PCDH9: variants seen among roughly 807,000 people sequenced by gnomAD.
The protein encoded by PCDH9 is protocadherin-9.
Under a neutral mutation model 70.6 loss-of-function variants are expected in PCDH9, and 24 were observed. The ratio of observed to expected loss-of-function variants is 0.34; its 90% CI spans 0.25 to 0.48. The LOEUF (loss-of-function observed/expected upper bound fraction) is 0.48. PCDH9 is among the 20% of genes least tolerant of loss of function. PCDH9 has a pLI of 0.99. For synonymous variants in PCDH9, 562 were observed against 558.5 expected (o/e 1.01, Z -0.09); for missense variants, 1,281 against 1,503.6 (o/e 0.85, Z 2.45).
At chr13:66,629,262 C>G (rs1196475760) in intron 4 of PCDH9, among the ~76,000 whole-genome samples, 1 of 150,918 alleles carries the variant, frequency 6.6e-6, no homozygotes, top group East Asian at 2.3e-4. Flanking sequence ...TTAAATGGGA[C>G]TCTTTCTTTT....
chr13:66,807,589 G>C (rs567083762), intron 3 of PCDH9, among the ~76,000 whole-genome samples: 1 of 152,062 alleles, frequency 6.6e-6, no homozygotes, highest in Non-Finnish European at 1.5e-5. Context: ...AGCTTTAAGT[G>C]AGATAATTTA....
intron 3 of PCDH9, among the ~76,000 whole-genome samples, chr13:66,715,884 T>C (rs1004482555): frequency 6.6e-6 from 1 of 152,214 alleles, no homozygotes; most frequent in Non-Finnish European, 1.5e-5. Flanking sequence ...TATTTCAACA[T>C]CTGCTTTCGC....
rs75638639 is a variant in PCDH9, at chr13:66,812,783, G to T, written c.3138+90721C>A. 1.2e-3 allele frequency among the ~76,000 whole-genome samples: 182 copies of T among 152,248 alleles called. 4 individuals carry two copies. The East Asian group carries it at 0.033, about 28-fold the overall frequency. ...AAAGTTTAGGAAATAATTAGGAATA[G>T]GTTTATTTAGTTCCATCATTTTTCT... On this transcript the variant is annotated intron_variant, in intron 3 of 4. Coordinates refer to ENST00000377865, the MANE Select transcript of PCDH9 (RefSeq NM_203487.3).
chr13:66,326,850 A>C (rs76116048), intron 4 of PCDH9, among the ~76,000 whole-genome samples: 4,976 of 152,290 alleles, frequency 0.033, 273 homozygotes, highest in African/African-American at 0.11. Context: ...AAAACTATTA[A>C]ACATACAAAA....
At chr13:66,516,459 T>G (rs563666475) in intron 4 of PCDH9, among the ~76,000 whole-genome samples, 215 of 152,216 alleles carry the variant, frequency 1.4e-3, no homozygotes, top group Non-Finnish European at 2.5e-3. Context: ...ATGTATTAAT[T>G]AAATCTAAAA....
At chr13:66,561,200 C>T (rs970645226) in intron 4 of PCDH9, among the ~76,000 whole-genome samples, 24 of 152,336 alleles carry the variant, frequency 1.6e-4, no homozygotes, top group South Asian at 1.0e-3. Context: ...AGGGGCTTAG[C>T]GCCTGGGCCA....
intron 4 of PCDH9, among the ~76,000 whole-genome samples, chr13:66,435,026 A>T (rs1189048354): frequency 6.6e-6 from 1 of 152,120 alleles, no homozygotes; most frequent in Non-Finnish European, 1.5e-5. Context: ...CAGACTGTGG[A>T]TATCACAAAT....
intron 4 of PCDH9, among the ~76,000 whole-genome samples, chr13:66,519,145 C>G (rs1959876626): frequency 6.6e-6 from 1 of 152,090 alleles, no homozygotes; most frequent in African/African-American, 2.4e-5. Flanking sequence ...GGCTGGTTAT[C>G]TCCACTGGCA....
chr13:67,225,780 G>C lies in PCDH9; in HGVS notation c.2661C>G (p.Ile887Met). ...PKSSLLNFVT[I>M]EESKPDDAVH... The stretch of plus-strand genomic sequence containing the variant: ...CTGCATCATCGGGTTTGGACTCTTC[G>C]ATAGTAACAAAGTTCAAAAGAGAGC... The change falls in exon 2 of 5, where the codon ATC (isoleucine) becomes ATG (methionine). Residue 887 changes from isoleucine to methionine, a missense_variant. Transcript: ENST00000377865. 1 of 1,614,054 alleles carries C rather than the reference G, an allele frequency of 6.2e-7. No homozygotes were observed. The highest frequency in any genetic ancestry group is 8.5e-7 in the Non-Finnish European group (1 of 1,179,984).
intron 2 of PCDH9, among the ~76,000 whole-genome samples, chr13:67,023,076 T>C (rs1217683546): frequency 6.6e-6 from 1 of 152,212 alleles, no homozygotes; most frequent in East Asian, 1.9e-4. Context: ...CCAACCACTT[T>C]TAACTACTTT....
chr13:67,140,958 A>AT (rs2087370218), intron 2 of PCDH9, among the ~76,000 whole-genome samples: 2 of 151,120 alleles, frequency 1.3e-5, no homozygotes, highest in East Asian at 1.9e-4. Context: ...TTTCCCCCTC[A>AT]TTTTTTTCTG....
In PCDH9 at chr13:66,638,441, G is replaced by A. The variant is rs186772260; in HGVS notation, c.3139-7030C>T. ...AAAACAATCTGCAGATCTGTTGCCA[G>A]CCATAAATTAAAATTTACTGCCAAT... On this transcript the variant is annotated intron_variant, in intron 3 of 4. Transcript: ENST00000377865. 1.6e-3 allele frequency among the ~76,000 whole-genome samples: 243 copies of A among 152,276 alleles called. 6 individuals carry two copies. In the East Asian group the frequency reaches 0.033, roughly 21 times the overall value.
chr13:67,191,762 A>G (rs1244038032), intron 2 of PCDH9, among the ~76,000 whole-genome samples: 2 of 152,056 alleles, frequency 1.3e-5, no homozygotes, highest in Non-Finnish European at 2.9e-5. Context: ...GCCCCTCCCA[A>G]GAGCATTCTC....
At chr13:66,902,121 G>C (rs953750692) in intron 3 of PCDH9, among the ~76,000 whole-genome samples, 1 of 151,434 alleles carries the variant, frequency 6.6e-6, no homozygotes, top group Non-Finnish European at 1.5e-5. Flanking sequence ...ACAGTGAAGA[G>C]GAAAAAATCA....
intron 3 of PCDH9, among the ~76,000 whole-genome samples, chr13:66,836,351 C>T (rs2081017539): frequency 6.6e-6 from 1 of 152,066 alleles, no homozygotes; most frequent in Non-Finnish European, 1.5e-5. Context: ...CTTCTTTTAT[C>T]ATATTCCTTC....
In PCDH9 at chr13:67,151,963, A is replaced by T. The variant is rs370815451; in HGVS notation, c.3036+73442T>A. Among the ~76,000 whole-genome samples, 7 of 152,044 alleles carry T rather than the reference A, an allele frequency of 4.6e-5. No individual in the cohort carries two copies. The South Asian group carries it at 1.5e-3, about 32-fold the overall frequency. On this transcript the variant is annotated intron_variant, in intron 2 of 4. Transcript: ENST00000377865. ...TTTTGTTACAAGACTATATGAATGA[A>T]CTAAAAGACTCTTAAGGATACTTTC...
At chr13:66,642,480 A>G (rs1349901345) in intron 3 of PCDH9, among the ~76,000 whole-genome samples, 1 of 152,038 alleles carries the variant, frequency 6.6e-6, no homozygotes, top group East Asian at 1.9e-4. Context: ...AATCTTATAA[A>G]GTATCTATTC....
intron 3 of PCDH9, among the ~76,000 whole-genome samples, chr13:66,774,453 A>ATT (rs148765077): frequency 5.9e-5 from 8 of 134,524 alleles, no homozygotes; most frequent in Non-Finnish European, 1.3e-4. Flanking sequence ...CATCTACTAG[A>ATT]TTTTTTTTTT....
intron 4 of PCDH9, among the ~76,000 whole-genome samples, chr13:66,356,536 G>A (rs1593850939): frequency 6.6e-6 from 1 of 150,644 alleles, no homozygotes; most frequent in African/African-American, 2.4e-5. Context: ...TTTCTTTGTC[G>A]GTGTTTTTCA....
Sources: gnomAD v4.1 joint callset for allele counts (sites outside exome capture counted in the v4.1 genomes callset) on GRCh38, gnomAD v4.1.1 for gene constraint, MANE v1.5 for transcripts, NCBI Gene and HGNC (gene_info 2026-07-23, HGNC 2026-07-21) for gene names.